Variants in SLAIN2 observed in about 807,000 individuals in gnomAD.
The protein encoded by SLAIN2 is SLAIN motif-containing protein 2.
Under a neutral mutation model 56.6 loss-of-function variants are expected in SLAIN2, and 31 were observed. The ratio of observed to expected loss-of-function variants is 0.55; its 90% CI spans 0.41 to 0.74. The LOEUF is 0.74. Ranked by LOEUF, SLAIN2 falls within the 30% of genes least tolerant of loss-of-function variation. SLAIN2 has a pLI of 0.00. For synonymous variants in SLAIN2, 317 were observed against 284.9 expected, an observed-to-expected ratio of 1.11 and a Z score of -1.13; for missense variants, 777 against 754.2, an observed-to-expected ratio of 1.03 and a Z score of -0.35.
At position 48,424,502 on chromosome 4, in the gene SLAIN2, A is replaced by C. The variant is rs562775507; in HGVS notation, c.*2425A>C. On this transcript the variant is annotated 3_prime_UTR_variant, in exon 8 of 8. Coordinates refer to ENST00000264313, the MANE Select transcript of SLAIN2 (RefSeq NM_020846.2). The stretch of plus-strand genomic sequence containing the variant: ...CAGAAAACAATGAGCTCTGCTTCCA[A>C]AGTTATTTAATTTTCTCAGTGTTTG... 6.6e-6 allele frequency: 1 copy of C among 152,182 alleles called. No homozygotes were observed. Among genetic ancestry groups the C allele is most frequent in the Non-Finnish European group, 1.5e-5 (1 of 68,004 alleles). The allele number at this position is 152,182 out of a possible 1,614,324, so 9.4% of individuals were successfully genotyped here. A position where few individuals can be genotyped will look rare whatever the true frequency, so the allele number is the denominator to read the frequency against.
At chr4:48,351,975 G>A (rs563858089) in intron 1 of SLAIN2, among the ~76,000 whole-genome samples, 2 of 152,322 alleles carry the variant, frequency 1.3e-5, no homozygotes, top group Admixed American at 6.5e-5. Context: ...CATTTGAGTA[G>A]GGTAGAGAAA....
intron 6 of SLAIN2, chr4:48,387,515 G>A (rs1716130460): frequency 6.6e-6 from 1 of 151,508 alleles, no homozygotes; most frequent in African/African-American, 2.4e-5. Context: ...GAATATGTAG[G>A]CAGAAGAGAA....
chr4:48,417,928 A>C (rs894151869), intron 6 of SLAIN2, among the ~76,000 whole-genome samples: 8 of 152,218 alleles, frequency 5.3e-5, no homozygotes, highest in African/African-American at 1.9e-4. Context: ...ATAGAAACAT[A>C]GTCAGTGTTT....
chr4:48,413,908 GAT>G (rs1469941202), intron 6 of SLAIN2, among the ~76,000 whole-genome samples: 2 of 152,142 alleles, frequency 1.3e-5, no homozygotes, highest in Admixed American at 6.5e-5. Flanking sequence ...AAGTTAAAAA[GAT>G]ATGTATAATT....
At chr4:48,392,368 C>T (rs188209554) in intron 6 of SLAIN2, among the ~76,000 whole-genome samples, 1 of 152,184 alleles carries the variant, frequency 6.6e-6, no homozygotes, top group East Asian at 1.9e-4. Context: ...GGGTGGGGTC[C>T]ATTGGAGTCG....
At position 48,425,920 on chromosome 4, in the gene SLAIN2, C is replaced by G. The variant is rs909321889; in HGVS notation, c.*3843C>G. 2.0e-5 allele frequency: 3 copies of G among 152,096 alleles called. No individual in the cohort carries two copies. The highest frequency in any genetic ancestry group is 7.2e-5 in the African/African-American group (3 of 41,426). The allele number at this position is 152,096 out of a possible 1,614,324, so 9.4% of individuals were successfully genotyped here. A position where few individuals can be genotyped will look rare whatever the true frequency, so the allele number is the denominator to read the frequency against. On this transcript the variant is annotated 3_prime_UTR_variant, in exon 8 of 8. Transcript: ENST00000264313. ...ATGTTAACTGAATGCTAGTTTGAAACAAATTATCTACATTAAGTCATCTTA... is the reference window on the plus strand; with the variant it reads ...ATGTTAACTGAATGCTAGTTTGAAAGAAATTATCTACATTAAGTCATCTTA...
intron 6 of SLAIN2, among the ~76,000 whole-genome samples, chr4:48,409,650 G>A (rs1036351530): frequency 1.3e-5 from 2 of 152,130 alleles, no homozygotes; most frequent in Admixed American, 6.5e-5. Context: ...TTGGGAGGCC[G>A]AGGTGGGCAG....
intron 2 of SLAIN2, among the ~76,000 whole-genome samples, chr4:48,370,237 TAATG>T (rs1337200796): frequency 6.6e-6 from 1 of 152,228 alleles, no homozygotes. Flanking sequence ...ATCCATGAAA[TAATG>T]AATTTCGTAT....
chr4:48,405,644 A>G (rs1019558929), intron 6 of SLAIN2, among the ~76,000 whole-genome samples: 9 of 151,468 alleles, frequency 5.9e-5, no homozygotes, highest in African/African-American at 2.2e-4. Flanking sequence ...GTGCTTCTTT[A>G]TCCAAAGGTG....
intron 6 of SLAIN2, among the ~76,000 whole-genome samples, chr4:48,408,128 T>C (rs569435872): frequency 6.6e-6 from 1 of 152,120 alleles, no homozygotes; most frequent in East Asian, 1.9e-4. Flanking sequence ...TTTGAGCCCA[T>C]GAGTTTGAGA....
intron 1 of SLAIN2, among the ~76,000 whole-genome samples, chr4:48,353,172 G>A (rs79609096): frequency 0.014 from 2,154 of 152,198 alleles, 51 homozygotes; most frequent in African/African-American, 0.05. Flanking sequence ...AATACTGTGT[G>A]GTTCTGAAAA....
Position 48,425,758 on chromosome 4 carries a change from G to A in SLAIN2, c.*3681G>A, listed in dbSNP as rs1006598447. 2.0e-5 allele frequency: 3 copies of A among 152,068 alleles called. No homozygotes were observed. Among genetic ancestry groups the A allele is most frequent in the African/African-American group, 7.2e-5 (3 of 41,428 alleles). 9.4% of individuals were successfully genotyped at this position (152,068 alleles called of 1,614,324 possible). ...AGTGCAACAGAAAAACCCATATGGA[G>A]GTTCAACCACTGATGTATTTTGAAT... On this transcript the variant is annotated 3_prime_UTR_variant, in exon 8 of 8. Transcript: ENST00000264313.
At chr4:48,420,731 A>G (rs1717124396) in intron 7 of SLAIN2, among the ~76,000 whole-genome samples, 1 of 152,216 alleles carries the variant, frequency 6.6e-6, no homozygotes, top group African/African-American at 2.4e-5. Context: ...TTTGATTGTG[A>G]TATTCATTCA....
At chr4:48,404,158 CTT>C (rs1716632066) in intron 6 of SLAIN2, among the ~76,000 whole-genome samples, 1 of 152,172 alleles carries the variant, frequency 6.6e-6, no homozygotes, top group Admixed American at 6.5e-5. Context: ...TGAACTCACT[CTT>C]TCTTTCCTCT....
At chr4:48,359,271 C>T (rs1487955467) in intron 1 of SLAIN2, among the ~76,000 whole-genome samples, 1 of 152,272 alleles carries the variant, frequency 6.6e-6, no homozygotes, top group East Asian at 1.9e-4. Flanking sequence ...ATGTACCTTA[C>T]TCAGTGAATA....
At position 48,342,711 on chromosome 4, in the gene SLAIN2, C is replaced by CTTTTTTTTTTTTT. The variant is rs761272695; in HGVS notation, c.389+595_389+607dup. On this transcript the variant is annotated intron_variant, in intron 1 of 7. Coordinates refer to ENST00000264313, the MANE Select transcript of SLAIN2 (RefSeq NM_020846.2). Reference sequence around the variant, plus strand: ...GAAGAGAGGGCAGAGGATGGTGCTGCTTTTTTTTTTTTTTTTTTTTTTTTG... The same window carrying CTTTTTTTTTTTTT: ...GAAGAGAGGGCAGAGGATGGTGCTGCTTTTTTTTTTTTTTTTTTTTTTTTTTTTTTTTTTTTTG... 6.7e-3 allele frequency among the ~76,000 whole-genome samples: 441 copies of CTTTTTTTTTTTTT among 65,940 alleles called. 19 individuals are homozygous for CTTTTTTTTTTTTT. Among genetic ancestry groups the CTTTTTTTTTTTTT allele is most frequent in the Middle Eastern group, 0.02 (1 of 50 alleles). 43.3% of individuals were successfully genotyped at this position (65,940 alleles called of 152,430 possible). A position where few individuals can be genotyped will look rare whatever the true frequency, so the allele number is the denominator to read the frequency against.
At chr4:48,389,691 A>G (rs1006252186) in intron 6 of SLAIN2, among the ~76,000 whole-genome samples, 6 of 152,362 alleles carry the variant, frequency 3.9e-5, no homozygotes, top group Middle Eastern at 6.8e-3. Context: ...CAACAGTGGG[A>G]TCAGTAATGA....
At chr4:48,358,037 T>C (rs1295152641) in intron 1 of SLAIN2, among the ~76,000 whole-genome samples, 5 of 152,206 alleles carry the variant, frequency 3.3e-5, no homozygotes, top group Admixed American at 6.5e-5. Context: ...TTATATTCTT[T>C]TTTAGCAATG....
chr4:48,382,872 C>A lies in SLAIN2; in HGVS notation c.1167C>A (p.Arg389=). 3 of 1,613,352 alleles carry A rather than the reference C, an allele frequency of 1.9e-6. No homozygotes were observed. Among genetic ancestry groups the A allele is most frequent in the Non-Finnish European group, 2.5e-6 (3 of 1,179,614 alleles). ...QPMISRLQQP[R]LSLQGHPTDL... ...TGATTAGCCGCTTACAGCAACCTCG[C>A]CTTTCACTTCAAGGCCATCCCACAG... Residue 389 remains arginine, a synonymous_variant, in exon 5 of 8, where the codon CGC becomes CGA. Coordinates refer to ENST00000264313, the MANE Select transcript of SLAIN2 (RefSeq NM_020846.2).
Sources: gnomAD v4.1 joint callset for allele counts (sites outside exome capture counted in the v4.1 genomes callset) on GRCh38, gnomAD v4.1.1 for gene constraint, MANE v1.5 for transcripts, NCBI Gene and HGNC (gene_info 2026-07-23, HGNC 2026-07-21) for gene names.